KCNAB2: variants seen among roughly 807,000 people sequenced by gnomAD.
KCNAB2 encodes the protein potassium voltage-gated channel subfamily A regulatory beta subunit 2.
KCNAB2 carries 29 observed loss-of-function variants against 63.6 expected under a neutral mutation model. That is an observed-to-expected ratio of 0.46 (90% CI 0.34 to 0.62). The LOEUF is 0.62. KCNAB2 is among the 20% of genes least tolerant of loss of function. KCNAB2 has a pLI of 0.01. For synonymous variants in KCNAB2, 222 were observed against 224.2 expected, an observed-to-expected ratio of 0.99 and a Z score of 0.09; for missense variants, 359 against 563.9, an observed-to-expected ratio of 0.64 and a Z score of 3.68.
At chr1:6,030,696 G>T (rs1249188984), upstream of KCNAB2, among the ~76,000 whole-genome samples, 2 of 151,428 alleles carry the variant, frequency 1.3e-5, no homozygotes, top group African/African-American at 2.4e-5. Context: ...GTGTGTATGT[G>T]TGTGTGTATG....
intron 1 of KCNAB2, among the ~76,000 whole-genome samples, chr1:6,005,459 G>C (rs1557922687): frequency 6.7e-6 from 1 of 149,336 alleles, no homozygotes; most frequent in Non-Finnish European, 1.5e-5. Flanking sequence ...GGTGAGGGTG[G>C]AGGCGGGGAC....
intron 2 of KCNAB2, among the ~76,000 whole-genome samples, chr1:6,055,420 G>A (rs1422118336): frequency 1.4e-5 from 2 of 146,498 alleles, no homozygotes; most frequent in Admixed American, 7.0e-5. Context: ...CAGTGGCACA[G>A]TCTCGGCTCA....
intron 2 of KCNAB2, among the ~76,000 whole-genome samples, chr1:6,057,589 G>A (rs986152625): frequency 2.0e-5 from 3 of 152,228 alleles, no homozygotes; most frequent in African/African-American, 7.2e-5. Flanking sequence ...CTTTCCTGAG[G>A]CTGCTGTAAC....
intron 1 of KCNAB2, among the ~76,000 whole-genome samples, chr1:6,008,751 C>T (rs867323403): frequency 4.2e-4 from 64 of 152,280 alleles, no homozygotes; most frequent in African/African-American, 1.5e-3. Flanking sequence ...GTGAGGCCCC[C>T]GAACCACCAC....
upstream of KCNAB2, chr1:6,041,631 C>A (rs1660505099): frequency 3.5e-6 from 2 of 579,012 alleles, no homozygotes; most frequent in Non-Finnish European, 6.2e-6. Flanking sequence ...CCCGTGGCCA[C>A]CGGGTGGCGC....
Position 6,061,253 on chromosome 1 carries a change from A to G in KCNAB2, c.218+9499A>G, listed in dbSNP as rs1394212789. ...CAGGTACCGGAGAGACAGAAAAAGA[A>G]CCAGAAATGGGTTGTAGGTTGAAGT... On this transcript the variant is annotated intron_variant, in intron 2 of 15. Coordinates refer to ENST00000378083, the MANE Select transcript of KCNAB2 (RefSeq NM_001199862.2). Among the ~76,000 whole-genome samples, 11 of 152,350 alleles carry G rather than the reference A, an allele frequency of 7.2e-5. No homozygotes were observed. In the East Asian group the frequency reaches 1.9e-3, roughly 27 times the overall value.
chr1:6,076,957 G>A (rs1050176435), intron 4 of KCNAB2, among the ~76,000 whole-genome samples: 16 of 152,148 alleles, frequency 1.1e-4, no homozygotes, highest in Non-Finnish European at 2.1e-4. Context: ...AGATTGAGGC[G>A]GGTGGATCAC....
intron 8 of KCNAB2, among the ~76,000 whole-genome samples, 195 bp downstream of exon 8, chr1:6,089,246 C>G (rs1664973697): frequency 6.6e-6 from 1 of 152,360 alleles, no homozygotes; most frequent in South Asian, 2.1e-4. Flanking sequence ...ACGAGGGCAG[C>G]CCGGTGGCTG....
At chr1:6,025,104 C>T (rs1033486901) in intron 1 of KCNAB2, among the ~76,000 whole-genome samples, 1 of 152,198 alleles carries the variant, frequency 6.6e-6, no homozygotes, top group African/African-American at 2.4e-5. Flanking sequence ...CTCGACACCT[C>T]TACTTTCCTA....
intron 1 of KCNAB2, 43 bp downstream of exon 1, chr1:6,046,226 G>C: frequency 1.0e-6 from 1 of 980,858 alleles, no homozygotes; most frequent in African/African-American, 1.7e-5. Flanking sequence ...TGGAGATGCC[G>C]CTTGGGGGCA....
Position 6,037,258 on chromosome 1 carries a change from A to C in KCNAB2, c.-53+2464A>C, listed in dbSNP as rs563018032. On this transcript the variant is annotated intron_variant, in intron 1 of 15. Coordinates refer to the KCNAB2 transcript ENST00000164247. ...GAGTTTGTGATTCCGGAATTCTGGA[A>C]GTTAGCTCAGCACCTAGACCCAAGA... 3.3e-5 allele frequency among the ~76,000 whole-genome samples: 5 copies of C among 152,302 alleles called. No homozygotes were observed. The South Asian group carries it at 1.0e-3, about 32-fold the overall frequency.
Position 6,095,631 on chromosome 1 carries a change from G to C in KCNAB2, c.948+7G>C. 6.2e-7 allele frequency: 1 copy of C among 1,612,742 alleles called. No individual in the cohort carries two copies. Among genetic ancestry groups the C allele is most frequent in the Non-Finnish European group, 8.5e-7 (1 of 1,179,516 alleles). Reference sequence around the variant, plus strand: ...CTCAAGAGCCTCCTTGAAGGTGAAGGAACAGCCTGGTGGGGAGGGACGGGC... The same window carrying C: ...CTCAAGAGCCTCCTTGAAGGTGAAGCAACAGCCTGGTGGGGAGGGACGGGC... On this transcript the variant is annotated splice_region_variant and intron_variant, in intron 13 of 15. Transcript: ENST00000378083.
rs1461755553 is a variant in KCNAB2, at chr1:6,028,162, A to G, written c.-52-12355A>G. 6.6e-6 allele frequency among the ~76,000 whole-genome samples: 1 copy of G among 151,950 alleles called. No homozygotes were observed. The highest frequency in any genetic ancestry group is 1.5e-5 in the Non-Finnish European group (1 of 67,998). The stretch of plus-strand genomic sequence containing the variant: ...AGCACCTGCCTTCGTTGCAGCATTG[A>G]CCCTCTGCCATCAGATCCCACCCAG... On this transcript the variant is annotated intron_variant, in intron 1 of 16. Transcript: ENST00000341524. This position sits in a 1 kb window ranked among gnomAD's most constrained non-coding sequence, Gnocchi z 4.0.
intron 15 of KCNAB2, 141 bp downstream of exon 15, chr1:6,097,498 TG>T: frequency 6.9e-7 from 1 of 1,446,158 alleles, no homozygotes; most frequent in South Asian, 1.2e-5. Context: ...GTTGTGCTCC[TG>T]GAGAGCTTGC....
chr1:6,042,244 C>T (rs1030498976), upstream of KCNAB2, among the ~76,000 whole-genome samples: 4 of 152,166 alleles, frequency 2.6e-5, no homozygotes, highest in South Asian at 2.1e-4. Flanking sequence ...GAGTACAGGA[C>T]GTGGCGAGCC....
chr1:6,017,406 CTGTG>C (rs56202547), intron 1 of KCNAB2, among the ~76,000 whole-genome samples: 36,071 of 146,894 alleles, frequency 0.25, 4,455 homozygotes, highest in Non-Finnish European at 0.29. Context: ...CCATACCTGG[CTGTG>C]TGTGTGTGTG....
At chr1:6,091,402 G>C in intron 10 of KCNAB2, 95 bp downstream of exon 10, 1 of 922,296 alleles carries the variant, frequency 1.1e-6, no homozygotes. Context: ...TACCCCATGA[G>C]AAACTTCTCC....
At position 6,099,562 on chromosome 1, in the gene KCNAB2, G is replaced by A. The variant is rs1665896738; in HGVS notation, c.*988G>A. ...CTGTGCACAAGGATGCACTCCTCTC[G>A]GCCCCTGTAGACTTTCTCTAAAGCC... On this transcript the variant is annotated 3_prime_UTR_variant, in exon 16 of 16. Coordinates refer to ENST00000378083, the MANE Select transcript of KCNAB2 (RefSeq NM_001199862.2). The A allele has an allele frequency of 1.2e-5, 6 of 492,658 alleles. No individual in the cohort carries two copies. The highest frequency in any genetic ancestry group is 7.6e-5 in the Admixed American group (2 of 26,214). The allele number at this position is 492,658 out of a possible 1,614,324, so 30.5% of individuals were successfully genotyped here.
chr1:6,037,629 CT>C (rs1660151088), intron 1 of KCNAB2, among the ~76,000 whole-genome samples: 1 of 152,230 alleles, frequency 6.6e-6, no homozygotes, highest in African/African-American at 2.4e-5. Flanking sequence ...AGCACAGCAT[CT>C]TTAGGAGTTT....
Sources: allele counts gnomAD v4.1 joint callset (sites outside exome capture counted in the v4.1 genomes callset), GRCh38; gene constraint gnomAD v4.1.1; non-coding constraint Gnocchi (gnomAD v3.1); transcripts MANE v1.5; gene names NCBI Gene and HGNC (gene_info 2026-07-23, HGNC 2026-07-21).